ZNF883: variants seen among roughly 807,000 people sequenced by gnomAD.
ZNF883 encodes zinc finger protein 883.
At chr9:112,992,453 A>G (rs1828311915), downstream of ZNF883, among the ~76,000 whole-genome samples, 1 of 152,206 alleles carries the variant, frequency 6.6e-6, no homozygotes, top group Non-Finnish European at 1.5e-5. Context: ...GTCTGCTGTT[A>G]TTCTGATGGG....
At chr9:113,009,512 T>TA (rs1306150295) in intron 2 of ZNF883, among the ~76,000 whole-genome samples, 1 of 145,744 alleles carries the variant, frequency 6.9e-6, no homozygotes, top group East Asian at 2.4e-4. Context: ...AGGCTCATAT[T>TA]CCTTTTTTTT....
intron 1 of ZNF883, among the ~76,000 whole-genome samples, chr9:112,989,336 C>T (rs1828280883): frequency 6.6e-6 from 1 of 151,840 alleles, no homozygotes; most frequent in African/African-American, 2.4e-5. Context: ...CAATTTTCTG[C>T]ATATGGCTAG....
upstream of ZNF883, among the ~76,000 whole-genome samples, chr9:113,000,314 A>AT (rs1196364264): frequency 6.6e-6 from 1 of 152,200 alleles, no homozygotes; most frequent in Non-Finnish European, 1.5e-5. Flanking sequence ...GGATCAGATA[A>AT]TAAAAAACTC....
intron 2 of ZNF883, among the ~76,000 whole-genome samples, chr9:113,007,022 C>T (rs150839169): frequency 1.9e-3 from 293 of 152,242 alleles, no homozygotes; most frequent in Admixed American, 3.7e-3. Context: ...GGTGAAACCC[C>T]GTCTCTACTA....
chr9:112,994,078 C>T (rs917464083), downstream of ZNF883, among the ~76,000 whole-genome samples: 8 of 152,348 alleles, frequency 5.3e-5, no homozygotes, highest in Non-Finnish European at 1.2e-4. Context: ...CTGCACAGCT[C>T]TGTGGTAGGC....
chr9:113,001,517 T>C (rs1416730280), upstream of ZNF883, among the ~76,000 whole-genome samples: 1 of 152,062 alleles, frequency 6.6e-6, no homozygotes, highest in Non-Finnish European at 1.5e-5. Context: ...GAATGCAGGT[T>C]TTTAAAATAC....
chr9:113,007,058 G>T (rs927342394), intron 2 of ZNF883, among the ~76,000 whole-genome samples: 2 of 152,178 alleles, frequency 1.3e-5, no homozygotes, highest in Admixed American at 6.5e-5. Context: ...GCCGGGCGTG[G>T]TGGTTCATGT....
chr9:112,991,373 TTTCCATGTAG>T lies in ZNF883; in HGVS notation n.309+7320_309+7329del, dbSNP rs551851439. On this transcript the variant is annotated intron_variant and non_coding_transcript_variant, in intron 1 of 9. Coordinates refer to the ZNF883 transcript ENST00000638823. ...AGTCATTCAGGAGAAGGTTGTTCAA[TTTCCATGTAG>T]TTGTGTGGTTTTGAGTGAGTTTCTT... 9.1e-4 allele frequency among the ~76,000 whole-genome samples: 138 copies of T among 152,320 alleles called. 3 individuals are homozygous for T. In the East Asian group the frequency reaches 0.018, roughly 20 times the overall value.
upstream of ZNF883, chr9:112,998,405 C>G: frequency 1.6e-6 from 1 of 641,498 alleles, no homozygotes; most frequent in South Asian, 5.3e-5. Flanking sequence ...ATTTTTCATT[C>G]ATGAGTTTCT....
intron 1 of ZNF883, among the ~76,000 whole-genome samples, chr9:112,988,414 T>C (rs182378302): frequency 1.3e-4 from 20 of 152,314 alleles, no homozygotes; most frequent in African/African-American, 4.3e-4. Context: ...TTTCTGTTCC[T>C]GTGTTAGTTT....
intron 2 of ZNF883, among the ~76,000 whole-genome samples, chr9:113,005,545 T>A (rs1828466396): frequency 6.6e-6 from 1 of 152,228 alleles, no homozygotes; most frequent in African/African-American, 2.4e-5. Context: ...GCTGCTCTCA[T>A]ATACTCTTAG....
At chr9:112,997,795 A>G in exon 1 of ZNF883, 1 of 1,613,620 alleles carries the variant, frequency 6.2e-7, no homozygotes, top group South Asian at 1.1e-5. Flanking sequence ...CACATTCAGT[A>G]CATTCATATG....
upstream of ZNF883, chr9:112,999,530 A>G (rs928885616): frequency 5.3e-5 from 8 of 152,216 alleles, no homozygotes; most frequent in African/African-American, 1.9e-4. Context: ...CCTCCACTTC[A>G]GATGATAATC....
chr9:113,000,915 A>G (rs1828415617), upstream of ZNF883, among the ~76,000 whole-genome samples: 1 of 152,150 alleles, frequency 6.6e-6, no homozygotes, highest in Admixed American at 6.5e-5. Flanking sequence ...TGAGATAAAA[A>G]TAAGTAAAAA....
At chr9:113,003,813 T>G (rs1325809673) in intron 2 of ZNF883, among the ~76,000 whole-genome samples, 1 of 152,204 alleles carries the variant, frequency 6.6e-6, no homozygotes, top group Non-Finnish European at 1.5e-5. Context: ...ACAATAAGAC[T>G]GCTGACTCCT....
upstream of ZNF883, chr9:112,998,654 T>A (rs1280342051): frequency 6.4e-6 from 1 of 155,840 alleles, no homozygotes; most frequent in East Asian, 1.9e-4. Context: ...CTGCCTGGGC[T>A]GTGAATCATT....
chr9:112,997,050 G>T, downstream of ZNF883: 1 of 1,416,382 alleles, frequency 7.1e-7, no homozygotes, highest in Non-Finnish European at 9.4e-7. Flanking sequence ...ACAATCCTAG[G>T]GTTGCTTGAA....
chr9:112,990,631 A>G (rs1828293713), intron 1 of ZNF883, among the ~76,000 whole-genome samples: 1 of 152,190 alleles, frequency 6.6e-6, no homozygotes, highest in Non-Finnish European at 1.5e-5. Context: ...GCCTCATAAA[A>G]TGAGTTAGTG....
chr9:112,994,012 T>G (rs1828325950), downstream of ZNF883, among the ~76,000 whole-genome samples: 1 of 152,176 alleles, frequency 6.6e-6, no homozygotes, highest in South Asian at 2.1e-4. Context: ...TGGCCAGTCC[T>G]TCCCGCAGGA....
Sources: gnomAD v4.1 joint callset for allele counts (sites outside exome capture counted in the v4.1 genomes callset) on GRCh38, gnomAD v4.1.1 for gene constraint, MANE v1.5 for transcripts, NCBI Gene and HGNC (gene_info 2026-07-23, HGNC 2026-07-21) for gene names.